The following GPC6 variants were observed in gnomAD, a reference collection of about 807,000 sequenced individuals.
GPC6 encodes the protein glypican-6.
Under a neutral mutation model 55.2 loss-of-function variants are expected in GPC6, and 14 were observed. The ratio of observed to expected loss-of-function variants is 0.25; its 90% CI spans 0.17 to 0.40. The LOEUF (loss-of-function observed/expected upper bound fraction) is 0.40. GPC6 is among the 10% of genes least tolerant of loss of function. The pLI, the probability that GPC6 is intolerant of heterozygous loss-of-function variation, is 1.00. For synonymous variants in GPC6, 278 were observed against 259.6 expected (o/e 1.07, Z -0.68); for missense variants, 641 against 708.5 (o/e 0.90, Z 1.08).
chr13:93,622,498 G>A (rs1879000646), intron 2 of GPC6, among the ~76,000 whole-genome samples: 1 of 60,918 alleles, frequency 1.6e-5, no homozygotes, highest in African/African-American at 5.0e-5. Context: ...TCTCTCTCAA[G>A]CATATACACA....
chr13:93,278,348 A>G (rs1594069341), intron 1 of GPC6, among the ~76,000 whole-genome samples: 2 of 152,334 alleles, frequency 1.3e-5, no homozygotes, highest in South Asian at 4.1e-4. Context: ...TATTAGGTAT[A>G]TCCGCATTGT....
chr13:93,282,561 A>G (rs1002542072), intron 1 of GPC6, among the ~76,000 whole-genome samples: 3 of 151,764 alleles, frequency 2.0e-5, no homozygotes, highest in Non-Finnish European at 2.9e-5. Context: ...TTCTCCACTT[A>G]CTCTCCTTAA....
rs372778856 is a variant in GPC6 at position 94,113,974 on chromosome 13, G to A, written c.877+86080G>A. 5.8e-5 allele frequency among the ~76,000 whole-genome samples: 8 copies of A among 137,648 alleles called. No individual in the cohort carries two copies. The East Asian group carries it at 1.3e-3, about 22-fold the overall frequency. The allele number at this position is 137,648 out of a possible 152,430, so 90.3% of individuals were successfully genotyped here. A position where few individuals can be genotyped will look rare whatever the true frequency, so the allele number is the denominator to read the frequency against. ...GAGACAGAGGTTGCAGTGAGATCTCGCCACTGCACTCCAGCCTGAGTGACA... is the reference window on the plus strand; with the variant it reads ...GAGACAGAGGTTGCAGTGAGATCTCACCACTGCACTCCAGCCTGAGTGACA... On this transcript the variant is annotated intron_variant, in intron 4 of 8. Transcript: ENST00000377047.
intron 2 of GPC6, among the ~76,000 whole-genome samples, chr13:93,620,527 A>G (rs1176224279): frequency 6.6e-6 from 1 of 152,232 alleles, no homozygotes; most frequent in Non-Finnish European, 1.5e-5. Flanking sequence ...AGTCATGAGT[A>G]AACTTTTTAA....
intron 4 of GPC6, among the ~76,000 whole-genome samples, chr13:94,226,370 G>A (rs1030123495): frequency 6.6e-6 from 1 of 152,104 alleles, no homozygotes; most frequent in Non-Finnish European, 1.5e-5. Flanking sequence ...TGCACATTAG[G>A]ATGGCTATAG....
intron 1 of GPC6, among the ~76,000 whole-genome samples, chr13:93,528,219 G>C (rs967914001): frequency 1.3e-5 from 2 of 152,092 alleles, no homozygotes; most frequent in Admixed American, 6.6e-5. Flanking sequence ...CTGCTATCAG[G>C]AGCAAAAACG....
At chr13:93,959,286 C>A (rs1195103738) in intron 3 of GPC6, among the ~76,000 whole-genome samples, 1 of 151,992 alleles carries the variant, frequency 6.6e-6, no homozygotes, top group East Asian at 1.9e-4. Flanking sequence ...CCTCAGCCTC[C>A]CAAGTAGCTG....
At chr13:93,990,669 C>A (rs911488943) in intron 3 of GPC6, among the ~76,000 whole-genome samples, 2 of 150,628 alleles carry the variant, frequency 1.3e-5, no homozygotes, top group Non-Finnish European at 3.0e-5. Flanking sequence ...CAAGCCTGGG[C>A]AACATAGCAA....
At chr13:93,974,640 C>T (rs545624571) in intron 3 of GPC6, among the ~76,000 whole-genome samples, 39 of 152,122 alleles carry the variant, frequency 2.6e-4, no homozygotes, top group Admixed American at 1.0e-3. Context: ...ATTAATAGGA[C>T]GTTTGATTTT....
At chr13:93,273,796 TTTTTA>T (rs1386700807) in intron 1 of GPC6, among the ~76,000 whole-genome samples, 2 of 152,058 alleles carry the variant, frequency 1.3e-5, no homozygotes, top group African/African-American at 4.8e-5. Flanking sequence ...TCATTTTTAT[TTTTTA>T]TTTTTTTATT....
chr13:93,321,737 C>T (rs1879442545), intron 1 of GPC6, among the ~76,000 whole-genome samples: 1 of 152,138 alleles, frequency 6.6e-6, no homozygotes, highest in Non-Finnish European at 1.5e-5. Flanking sequence ...AAAGAAGTTG[C>T]ATCACTAAGG....
intron 3 of GPC6, among the ~76,000 whole-genome samples, chr13:93,855,911 T>C (rs968089578): frequency 2.0e-5 from 3 of 151,696 alleles, no homozygotes; most frequent in African/African-American, 7.3e-5. Flanking sequence ...TTTTAATCAT[T>C]CTTTCTATAT....
chr13:93,656,991 A>G (rs1027623636), intron 2 of GPC6, among the ~76,000 whole-genome samples: 1 of 152,100 alleles, frequency 6.6e-6, no homozygotes, highest in African/African-American at 2.4e-5. Context: ...GCACAAGGAT[A>G]GGAAGAATCA....
At chr13:93,438,852 T>A (rs186953644) in intron 1 of GPC6, among the ~76,000 whole-genome samples, 1 of 152,146 alleles carries the variant, frequency 6.6e-6, no homozygotes, top group Non-Finnish European at 1.5e-5. Context: ...GGAAACTGTT[T>A]AATGAAGAGA....
chr13:94,325,482 C>T (rs1877069069), intron 6 of GPC6, among the ~76,000 whole-genome samples: 1 of 152,180 alleles, frequency 6.6e-6, no homozygotes, highest in Non-Finnish European at 1.5e-5. Context: ...ATTTGGGATT[C>T]AAGGTCCTCA....
chr13:94,382,741 C>T lies in GPC6; in HGVS notation c.1289+191C>T, dbSNP rs115973365. Among the ~76,000 whole-genome samples, 453 of 152,260 alleles carry T rather than the reference C, an allele frequency of 3.0e-3. 4 individuals carry two copies. Among genetic ancestry groups the T allele is most frequent in the African/African-American group, 0.01 (429 of 41,560 alleles). On this transcript the variant is annotated intron_variant, in intron 7 of 8. Coordinates refer to ENST00000377047, the MANE Select transcript of GPC6 (RefSeq NM_005708.5). Reference sequence around the variant, plus strand: ...CTGGGAGCACTTACTCTTAAGGTGCCATTAAGCGTGGAATCCTCATTCAGA... The same window carrying T: ...CTGGGAGCACTTACTCTTAAGGTGCTATTAAGCGTGGAATCCTCATTCAGA...
intron 3 of GPC6, among the ~76,000 whole-genome samples, chr13:93,979,187 G>C (rs918018334): frequency 5.9e-5 from 9 of 151,956 alleles, no homozygotes; most frequent in African/African-American, 2.2e-4. Context: ...GTTGAGCATG[G>C]GGTGTGACTG....
chr13:93,315,346 C>A (rs1879211153), intron 1 of GPC6, among the ~76,000 whole-genome samples: 2 of 151,878 alleles, frequency 1.3e-5, no homozygotes, highest in Non-Finnish European at 2.9e-5. Flanking sequence ...AATTATAGCT[C>A]TGTTTTCTAG....
chr13:93,235,316 T>G (rs1450506644), intron 1 of GPC6, among the ~76,000 whole-genome samples: 3 of 152,146 alleles, frequency 2.0e-5, no homozygotes, highest in Admixed American at 2.0e-4. Context: ...CAGAAAGGAA[T>G]CTGATATTGA....
Sources: allele counts gnomAD v4.1 joint callset (sites outside exome capture counted in the v4.1 genomes callset), GRCh38; gene constraint gnomAD v4.1.1; transcripts MANE v1.5; gene names NCBI Gene and HGNC (gene_info 2026-07-23, HGNC 2026-07-21).